The following FGF14 variants were observed in gnomAD, a reference collection of about 807,000 sequenced individuals.
FGF14 encodes the protein fibroblast growth factor homologous factor 4.
Under a neutral mutation model 25.5 loss-of-function variants are expected in FGF14, and 5 were observed. The ratio of observed to expected loss-of-function variants is 0.20; its 90% CI spans 0.10 to 0.41. The LOEUF (loss-of-function observed/expected upper bound fraction) is 0.41. FGF14 is among the 10% of genes least tolerant of loss of function. The pLI is 1.00. For synonymous variants in FGF14, 138 were observed against 118.3 expected (o/e 1.17, Z -1.08); for missense variants, 222 against 320.1 (o/e 0.69, Z 2.34).
At chr13:102,198,722 G>A (rs1463585129) in intron 1 of FGF14, among the ~76,000 whole-genome samples, 1 of 152,108 alleles carries the variant, frequency 6.6e-6, no homozygotes, top group Admixed American at 6.5e-5. Context: ...ATATTGAGAG[G>A]AAATCTGCCA....
At chr13:102,351,759 G>A (rs1047131679) in intron 1 of FGF14, among the ~76,000 whole-genome samples, 1 of 152,234 alleles carries the variant, frequency 6.6e-6, no homozygotes, top group African/African-American at 2.4e-5. Context: ...TGTGACAGCT[G>A]GCTGGCCCCA....
intron 1 of FGF14, among the ~76,000 whole-genome samples, chr13:102,018,936 T>C (rs980483435): frequency 6.6e-6 from 1 of 152,140 alleles, no homozygotes; most frequent in Non-Finnish European, 1.5e-5. Flanking sequence ...ATTTTACAAA[T>C]ACCCACAATG....
At chr13:101,955,523 G>C (rs944130353) in intron 1 of FGF14, among the ~76,000 whole-genome samples, 1 of 152,206 alleles carries the variant, frequency 6.6e-6, no homozygotes, top group African/African-American at 2.4e-5. Context: ...TCAATAAAAT[G>C]GGAAAATGGT....
Position 102,070,960 on chromosome 13 carries a change from C to A in FGF14, c.209-195664G>T, listed in dbSNP as rs928373689. Among the ~76,000 whole-genome samples the A allele has an allele frequency of 2.6e-4, 10 of 37,782 alleles. No homozygotes were observed. In the African/African-American group the frequency reaches 4.2e-3, roughly 16 times the overall value. The allele number at this position is 37,782 out of a possible 152,430, so 24.8% of individuals were successfully genotyped here. On this transcript the variant is annotated intron_variant, in intron 1 of 4. Coordinates refer to the FGF14 transcript ENST00000376131. ...CTAGAAAACAAAACAAAACAAAACA[C>A]ACACACACACACACACACACATAAA...
rs1359027050 is a variant in FGF14, at chr13:101,890,342, G to GA, written c.194-15047dup. On this transcript the variant is annotated intron_variant, in intron 1 of 4. Transcript: ENST00000376143. ...GTGAAAAGCATTTCCTGTCTTACCTGAAAAAAAAAACACATTGTTCTTGGA... is the reference window on the plus strand; with the variant it reads ...GTGAAAAGCATTTCCTGTCTTACCTGAAAAAAAAAAACACATTGTTCTTGGA... Among the ~76,000 whole-genome samples, 511 of 147,234 alleles carry GA rather than the reference G, an allele frequency of 3.5e-3. 6 individuals carry two copies. The highest frequency in any genetic ancestry group is 0.011 in the African/African-American group (454 of 40,274).
chr13:101,972,164 A>C (rs1365118860), intron 1 of FGF14, among the ~76,000 whole-genome samples: 1 of 152,246 alleles, frequency 6.6e-6, no homozygotes, highest in Non-Finnish European at 1.5e-5. Flanking sequence ...CATGCTTTAA[A>C]TAAATGTGGT....
chr13:102,281,476 A>G (rs1401461092), intron 1 of FGF14, among the ~76,000 whole-genome samples: 1 of 152,078 alleles, frequency 6.6e-6, no homozygotes, highest in Non-Finnish European at 1.5e-5. Flanking sequence ...AGCAGAGGAA[A>G]CAAGCCCCTA....
intron 1 of FGF14, among the ~76,000 whole-genome samples, chr13:102,071,921 T>C (rs2140154003): frequency 6.6e-6 from 1 of 152,280 alleles, no homozygotes; most frequent in East Asian, 1.9e-4. Context: ...AGACTTACTA[T>C]TGGCAAAACT....
intron 3 of FGF14, among the ~76,000 whole-genome samples, chr13:101,730,530 A>G (rs1402474073): frequency 6.6e-6 from 1 of 152,168 alleles, no homozygotes; most frequent in Non-Finnish European, 1.5e-5. Context: ...TTTAAAAGGT[A>G]TTTCCTTATA....
chr13:102,242,386 A>G (rs554158334), intron 1 of FGF14, among the ~76,000 whole-genome samples: 1 of 152,156 alleles, frequency 6.6e-6, no homozygotes, highest in Non-Finnish European at 1.5e-5. Context: ...TTTATAATGA[A>G]CAGAAATTAA....
At chr13:102,155,690 G>A (rs1352963119) in intron 1 of FGF14, among the ~76,000 whole-genome samples, 8 of 151,008 alleles carry the variant, frequency 5.3e-5, no homozygotes, top group African/African-American at 1.9e-4. Context: ...GATAGAGACA[G>A]AAAAACCCTT....
At chr13:101,947,769 A>T (rs2035906901) in intron 1 of FGF14, among the ~76,000 whole-genome samples, 1 of 152,036 alleles carries the variant, frequency 6.6e-6, no homozygotes, top group South Asian at 2.1e-4. Flanking sequence ...CATACCCCAA[A>T]CCTCAGCATC....
chr13:101,922,912 TATC>T (rs1286897651), intron 1 of FGF14, among the ~76,000 whole-genome samples: 2 of 152,068 alleles, frequency 1.3e-5, no homozygotes, highest in Non-Finnish European at 2.9e-5. Flanking sequence ...TATTAAATTC[TATC>T]ATGTTATTTT....
intron 1 of FGF14, among the ~76,000 whole-genome samples, chr13:101,880,815 A>G (rs1013288463): frequency 2.0e-5 from 3 of 152,168 alleles, no homozygotes; most frequent in African/African-American, 4.8e-5. Flanking sequence ...CTCAAATAGT[A>G]TTTATTGAAC....
At chr13:102,391,322 C>G (rs1018420538) in intron 1 of FGF14, among the ~76,000 whole-genome samples, 9 of 152,164 alleles carry the variant, frequency 5.9e-5, no homozygotes, top group Non-Finnish European at 1.2e-4. Flanking sequence ...GCATATCAGA[C>G]CACATACTAA....
chr13:102,109,971 A>G (rs922485315), intron 1 of FGF14, among the ~76,000 whole-genome samples: 1 of 152,186 alleles, frequency 6.6e-6, no homozygotes, highest in African/African-American at 2.4e-5. Flanking sequence ...TTAAAGATTA[A>G]GATACATAGA....
chr13:101,777,765 C>T (rs1228273257), intron 3 of FGF14, among the ~76,000 whole-genome samples: 1 of 152,034 alleles, frequency 6.6e-6, no homozygotes, highest in Admixed American at 6.6e-5. Context: ...AGTTTGAGAC[C>T]AGCCTGACCA....
intron 1 of FGF14, among the ~76,000 whole-genome samples, chr13:102,202,986 A>C (rs1409334350): frequency 6.6e-6 from 1 of 152,156 alleles, no homozygotes; most frequent in Non-Finnish European, 1.5e-5. Context: ...TAATGTAGAT[A>C]ACTAATAACC....
At chr13:102,368,325 CTTG>C in intron 1 of FGF14, among the ~76,000 whole-genome samples, 1 of 152,218 alleles carries the variant, frequency 6.6e-6, no homozygotes, top group Middle Eastern at 3.4e-3. Context: ...CTTGTCTGAG[CTTG>C]TTTTCTCATT....
Sources: gnomAD v4.1 joint callset for allele counts (sites outside exome capture counted in the v4.1 genomes callset) on GRCh38, gnomAD v4.1.1 for gene constraint, MANE v1.5 for transcripts, NCBI Gene and HGNC (gene_info 2026-07-23, HGNC 2026-07-21) for gene names.